KCNB2: variants seen among roughly 807,000 people sequenced by gnomAD.
KCNB2 encodes the protein potassium voltage-gated channel subfamily B member 2.
A neutral mutation model predicts 61.5 loss-of-function variants in KCNB2; 15 were observed. The observed-to-expected ratio is 0.24, with a 90% confidence interval of 0.16 to 0.38. KCNB2 has a LOEUF of 0.38. KCNB2 is among the 10% of genes least tolerant of loss of function. The pLI, the probability that KCNB2 is intolerant of heterozygous loss-of-function variation, is 1.00. For synonymous variants in KCNB2, 457 were observed against 446.0 expected (o/e 1.02, Z -0.31); for missense variants, 828 against 1,125.2 (o/e 0.74, Z 3.78).
chr8:72,722,565 T>G (rs973400176), intron 2 of KCNB2, among the ~76,000 whole-genome samples: 1 of 152,334 alleles, frequency 6.6e-6, no homozygotes, highest in Non-Finnish European at 1.5e-5. Context: ...TTGTCAGAGT[T>G]GTATCTTATG....
chr8:72,703,945 A>G (rs1008146519), intron 2 of KCNB2, among the ~76,000 whole-genome samples: 14 of 152,182 alleles, frequency 9.2e-5, no homozygotes, highest in African/African-American at 2.2e-4. Context: ...CTTTGATTCT[A>G]TGCTTAAAAA....
Position 72,920,453 on chromosome 8 carries a change from C to CTATATATATATA in KCNB2, c.580-15479_580-15478insATATATATATAT. On this transcript the variant is annotated intron_variant, in intron 2 of 2. Coordinates refer to ENST00000523207, the MANE Select transcript of KCNB2 (RefSeq NM_004770.3). ...CCCCCTCTCCACTATATCTATCTAT[C>CTATATATATATA]TATCTATCTATCTATCTATCTATAT... is the stretch of plus-strand genomic sequence containing the variant. Among the ~76,000 whole-genome samples, 133 of 43,086 alleles carry CTATATATATATA rather than the reference C, an allele frequency of 3.1e-3. 8 individuals are homozygous for CTATATATATATA. Among genetic ancestry groups the CTATATATATATA allele is most frequent in the South Asian group, 6.7e-3 (10 of 1,496 alleles). 28.3% of individuals were successfully genotyped at this position (43,086 alleles called of 152,430 possible).
chr8:72,627,722 G>C (rs1034803654), intron 2 of KCNB2, among the ~76,000 whole-genome samples: 20 of 152,088 alleles, frequency 1.3e-4, no homozygotes, highest in African/African-American at 4.1e-4. Flanking sequence ...TCCACATCTG[G>C]TGTTAGAACT....
intron 2 of KCNB2, among the ~76,000 whole-genome samples, chr8:72,636,040 C>T (rs987474534): frequency 3.1e-4 from 47 of 152,208 alleles, no homozygotes; most frequent in African/African-American, 9.2e-4. Flanking sequence ...ACGATTAGAA[C>T]GGTGCATGGC....
chr8:72,637,894 G>T lies in KCNB2; in HGVS notation c.579+69581G>T, dbSNP rs115423863. ...AGTTGAGAGGGAGAAAAATAGAAATGAATGAGCTGTGAAATAAGAAGTAAG... is the reference window on the plus strand; with the variant it reads ...AGTTGAGAGGGAGAAAAATAGAAATTAATGAGCTGTGAAATAAGAAGTAAG... On this transcript the variant is annotated intron_variant, in intron 2 of 2. Transcript: ENST00000523207. Among the ~76,000 whole-genome samples, 429 of 152,232 alleles carry T rather than the reference G, an allele frequency of 2.8e-3. 1 individual carries two copies. Among genetic ancestry groups the T allele is most frequent in the African/African-American group, 9.6e-3 (401 of 41,564 alleles).
At chr8:72,821,767 G>A (rs1315364616) in intron 2 of KCNB2, among the ~76,000 whole-genome samples, 4 of 151,524 alleles carry the variant, frequency 2.6e-5, no homozygotes, top group African/African-American at 9.7e-5. Flanking sequence ...CACAGGTAAC[G>A]AATGAAAGGG....
chr8:72,641,838 A>C (rs1806060818), intron 2 of KCNB2, among the ~76,000 whole-genome samples: 1 of 152,162 alleles, frequency 6.6e-6, no homozygotes, highest in African/African-American at 2.4e-5. Flanking sequence ...GAACATATGT[A>C]AGTGCCTAGG....
intron 2 of KCNB2, among the ~76,000 whole-genome samples, chr8:72,830,818 G>T (rs1809681292): frequency 6.6e-6 from 1 of 152,090 alleles, no homozygotes; most frequent in Non-Finnish European, 1.5e-5. Context: ...TTGTGGCACT[G>T]GGCAAAAGAA....
chr8:72,926,672 T>C (rs1806655923), intron 2 of KCNB2, among the ~76,000 whole-genome samples: 1 of 152,180 alleles, frequency 6.6e-6, no homozygotes, highest in African/African-American at 2.4e-5. Context: ...TGGAGATTTG[T>C]TGGAGCTACT....
intron 2 of KCNB2, among the ~76,000 whole-genome samples, chr8:72,717,162 A>T (rs1451141984): frequency 6.6e-6 from 1 of 152,210 alleles, no homozygotes; most frequent in Non-Finnish European, 1.5e-5. Context: ...GAAACAAAAG[A>T]GGCTACAAAC....
At chr8:72,766,981 A>G (rs1167851745) in intron 2 of KCNB2, among the ~76,000 whole-genome samples, 1 of 152,036 alleles carries the variant, frequency 6.6e-6, no homozygotes, top group East Asian at 1.9e-4. Flanking sequence ...GCAGCAAGAG[A>G]AAAAAAATGA....
intron 2 of KCNB2, among the ~76,000 whole-genome samples, chr8:72,705,779 A>G (rs931794569): frequency 2.0e-5 from 3 of 152,228 alleles, no homozygotes; most frequent in African/African-American, 7.2e-5. Context: ...GTGTAGCATG[A>G]GAATGAAGTG....
intron 2 of KCNB2, among the ~76,000 whole-genome samples, chr8:72,679,875 G>C (rs752113798): frequency 8.6e-4 from 131 of 152,276 alleles, no homozygotes; most frequent in Middle Eastern, 3.4e-3. Context: ...ACTGCTCCCT[G>C]ATTATATGGC....
intron 2 of KCNB2, among the ~76,000 whole-genome samples, chr8:72,860,722 G>C (rs1009937867): frequency 1.3e-5 from 2 of 152,136 alleles, no homozygotes; most frequent in African/African-American, 4.8e-5. Flanking sequence ...GAAATCAAGA[G>C]GCAAAATGCA....
chr8:72,833,683 C>T (rs953888782), intron 2 of KCNB2, among the ~76,000 whole-genome samples: 1 of 152,060 alleles, frequency 6.6e-6, no homozygotes, highest in African/African-American at 2.4e-5. Flanking sequence ...AGCTGTCCAG[C>T]AGAAGTGTGG....
intron 2 of KCNB2, among the ~76,000 whole-genome samples, chr8:72,715,043 A>C (rs1807403885): frequency 6.6e-6 from 1 of 152,206 alleles, no homozygotes; most frequent in Non-Finnish European, 1.5e-5. Context: ...TTAAACCAAC[A>C]AAGATCAAAA....
intron 2 of KCNB2, among the ~76,000 whole-genome samples, chr8:72,672,534 G>A (rs936471974): frequency 2.0e-5 from 3 of 152,090 alleles, no homozygotes; most frequent in African/African-American, 7.2e-5. Context: ...GATAAATTAA[G>A]ATGTATTTTT....
At position 72,741,277 on chromosome 8, in the gene KCNB2, G is replaced by T. The variant is rs181573543; in HGVS notation, c.579+172964G>T. ...ATGTTCCATGTACCTTTGTACTTAG[G>T]AGCCTTACCTTTGAAAATCTCCTTC... On this transcript the variant is annotated intron_variant, in intron 2 of 2. Transcript: ENST00000523207. Among the ~76,000 whole-genome samples, 11 of 152,166 alleles carry T rather than the reference G, an allele frequency of 7.2e-5. No individual in the cohort carries two copies. The East Asian group carries it at 2.1e-3, about 29-fold the overall frequency.
rs1056091936 is a variant in KCNB2, at chr8:72,856,361, A to T, written c.580-79574A>T. Among the ~76,000 whole-genome samples the T allele has an allele frequency of 2.0e-5, 3 of 152,186 alleles. 1 individual carries two copies. Among genetic ancestry groups the T allele is most frequent in the African/African-American group, 4.8e-5 (2 of 41,438 alleles). On this transcript the variant is annotated intron_variant, in intron 2 of 2. Transcript: ENST00000523207. ...ACTGATCACCTCTAAAATTCTCAAG[A>T]GTCACATGTTGCTAGTGGCTGCCAT... is the stretch of plus-strand genomic sequence containing the variant.
Sources: gnomAD v4.1 joint callset for allele counts (sites outside exome capture counted in the v4.1 genomes callset) on GRCh38, gnomAD v4.1.1 for gene constraint, MANE v1.5 for transcripts, NCBI Gene and HGNC (gene_info 2026-07-23, HGNC 2026-07-21) for gene names.